MALRD1: variants seen among roughly 807,000 people sequenced by gnomAD.
MALRD1 encodes MAM and LDL-receptor class A domain-containing protein 1.
In MALRD1, 247 loss-of-function variants were observed where a neutral mutation model predicts 242.1. The observed-to-expected ratio is 1.02, with a 90% CI of 0.92 to 1.13. The LOEUF is 1.13. Among genes scored for constraint, MALRD1 ranks in the 50% most tolerant of loss-of-function variants. The pLI is 0.00. For missense variants in MALRD1, 2,989 were observed against 2,533.1 expected, an observed-to-expected ratio of 1.18 and a Z score of -3.86; for synonymous variants, 995 against 866.6, an observed-to-expected ratio of 1.15 and a Z score of -2.60.
At chr10:19,574,454 A>G (rs1407771890) in intron 33 of MALRD1, among the ~76,000 whole-genome samples, 3 of 152,206 alleles carry the variant, frequency 2.0e-5, no homozygotes, top group South Asian at 4.1e-4. Context: ...CTCAGCCTCC[A>G]AAGTTGTTCT....
In MALRD1 at chr10:19,539,889, TGTGTGTGTGCGC is replaced by T. The variant is rs1318703409; in HGVS notation, c.5478+8540_5478+8551del. Among the ~76,000 whole-genome samples, 3 of 82,252 alleles carry T rather than the reference TGTGTGTGTGCGC, an allele frequency of 3.6e-5. No homozygotes were observed. The Admixed American group carries it at 4.5e-4, about 12-fold the overall frequency. The allele number at this position is 82,252 out of a possible 152,430, so 54.0% of individuals were successfully genotyped here. Reference sequence around the variant, plus strand: ...GTGTGTGTGTGTGTGTGTGTGTGTGTGTGTGTGTGCGCGCGCGCGTGCGCGCACACACGCGCA... The same window carrying T: ...GTGTGTGTGTGTGTGTGTGTGTGTGTGCGCGCGTGCGCGCACACACGCGCA... On this transcript the variant is annotated intron_variant, in intron 32 of 39. Transcript: ENST00000454679.
At chr10:19,598,517 T>C (rs1229049002) in intron 34 of MALRD1, 7 of 151,278 alleles carry the variant, frequency 4.6e-5, no homozygotes, top group South Asian at 2.1e-4. Context: ...AATTTGGACA[T>C]CAGGTCAGCT....
chr10:19,402,154 A>C (rs1192595569), intron 28 of MALRD1, among the ~76,000 whole-genome samples: 1 of 152,166 alleles, frequency 6.6e-6, no homozygotes, highest in Non-Finnish European at 1.5e-5. Flanking sequence ...GTCTCTGAGA[A>C]TGCTCTTTCT....
rs542684982 is a variant in MALRD1, at chr10:19,628,208, A to G, written c.6137+12285A>G. Among the ~76,000 whole-genome samples the G allele has an allele frequency of 1.7e-4, 26 of 152,338 alleles. No homozygotes were observed. The South Asian group carries it at 2.5e-3, about 15-fold the overall frequency. ...TTGTGGGACTATAGCTTTTCTAAAT[A>G]TACAACATGGAGAAAAATACAACTT... On this transcript the variant is annotated intron_variant, in intron 36 of 39. Coordinates refer to ENST00000454679, the MANE Select transcript of MALRD1 (RefSeq NM_001142308.3).
chr10:19,279,056 G>A (rs1161865319), intron 19 of MALRD1, among the ~76,000 whole-genome samples: 9 of 152,140 alleles, frequency 5.9e-5, no homozygotes, highest in African/African-American at 2.2e-4. Flanking sequence ...AGGCCCAGAA[G>A]CAGCGGCCTA....
At chr10:19,228,918 G>C in intron 18 of MALRD1, among the ~76,000 whole-genome samples, 1 of 151,834 alleles carries the variant, frequency 6.6e-6, no homozygotes, top group Non-Finnish European at 1.5e-5. Context: ...ATGAAAAATT[G>C]AAAATAAAAT....
At chr10:19,397,531 A>C (rs560585697) in intron 28 of MALRD1, among the ~76,000 whole-genome samples, 1 of 152,160 alleles carries the variant, frequency 6.6e-6, no homozygotes, top group Non-Finnish European at 1.5e-5. Context: ...TATTGTGAAT[A>C]GTGCTACAAT....
chr10:19,298,664 G>A (rs1841816815), intron 21 of MALRD1, among the ~76,000 whole-genome samples: 1 of 151,968 alleles, frequency 6.6e-6, no homozygotes, highest in Non-Finnish European at 1.5e-5. Flanking sequence ...GACTAGAAAA[G>A]AGACACAAGA....
chr10:19,509,822 C>T (rs908369767), intron 31 of MALRD1, among the ~76,000 whole-genome samples: 6 of 152,134 alleles, frequency 3.9e-5, no homozygotes, highest in Admixed American at 1.3e-4. Flanking sequence ...GGGTGGGTTG[C>T]CCCTGCACAC....
chr10:19,371,092 T>TAAAAAAA (rs759092754), intron 26 of MALRD1, among the ~76,000 whole-genome samples: 11 of 123,680 alleles, frequency 8.9e-5, no homozygotes, highest in Non-Finnish European at 1.2e-4. Flanking sequence ...TCTACGAAAT[T>TAAAAAAA]AAAAAAAAAA....
chr10:19,307,976 G>A (rs1347696532), intron 21 of MALRD1, among the ~76,000 whole-genome samples: 2 of 151,406 alleles, frequency 1.3e-5, no homozygotes, highest in Admixed American at 6.6e-5. Flanking sequence ...GAGAAATCAC[G>A]TCATAGAGAA....
At chr10:19,205,384 A>G in intron 17 of MALRD1, 119 bp downstream of exon 17, 2 of 1,203,292 alleles carry the variant, frequency 1.7e-6, no homozygotes, top group Admixed American at 3.1e-5. Flanking sequence ...AAGCTGATGA[A>G]TGTTATGTGT....
chr10:19,529,365 G>T (rs1048283099), intron 31 of MALRD1, among the ~76,000 whole-genome samples: 1 of 152,066 alleles, frequency 6.6e-6, no homozygotes, highest in Admixed American at 6.6e-5. Flanking sequence ...CTTATAAAAT[G>T]GTATGATGAT....
chr10:19,066,800 A>C lies in MALRD1; in HGVS notation c.281A>C (p.Lys94Thr). 8.1e-7 allele frequency: 1 copy of C among 1,233,712 alleles called. No homozygotes were observed. Among genetic ancestry groups the C allele is most frequent in the Non-Finnish European group, 1.0e-6 (1 of 988,026 alleles). The allele number at this position is 1,233,712 out of a possible 1,614,324, so 76.4% of individuals were successfully genotyped here. Reference protein sequence around the residue: ...QDQSLQPSWTKRSGMIGLSPP... With the variant: ...QDQSLQPSWTTRSGMIGLSPP... ...CAGAGTCTGCAACCTAGTTGGACAA[A>C]GAGAAGTGGGATGATTGGTCTATCA... Residue 94 changes from lysine to threonine, a missense_variant, in exon 2 of 40, where the codon AAG (lysine) becomes ACG (threonine). Transcript: ENST00000454679.
At chr10:19,176,460 C>G (rs963687000) in intron 14 of MALRD1, among the ~76,000 whole-genome samples, 5 of 141,988 alleles carry the variant, frequency 3.5e-5, no homozygotes, top group Non-Finnish European at 6.1e-5. Context: ...CTGCAAGCTC[C>G]GCTTCCCGGG....
chr10:19,566,892 T>C (rs1054292683), intron 32 of MALRD1, among the ~76,000 whole-genome samples: 1 of 152,122 alleles, frequency 6.6e-6, no homozygotes, highest in African/African-American at 2.4e-5. Context: ...TTATTTGTAC[T>C]GATAAGCAAA....
In MALRD1 at chr10:19,324,090, C is replaced by T. The variant is rs554012881; in HGVS notation, c.3561C>T (p.Thr1187=). 1.3e-5 allele frequency: 20 copies of T among 1,550,198 alleles called. No individual in the cohort carries two copies. The Admixed American group carries it at 2.9e-4, about 23-fold the overall frequency. The change falls in exon 22 of 40, where the codon ACC becomes ACT. Residue 1187 remains threonine (T), a synonymous_variant. Transcript: ENST00000454679. Reference sequence around the variant, plus strand: ...TCTGGACACATATGAATGGGGCCACCGTTGGTTCTCTCCAGGTACTGCTTA... The same window carrying T: ...TCTGGACACATATGAATGGGGCCACTGTTGGTTCTCTCCAGGTACTGCTTA... ...LVFWTHMNGA[T]VGSLQVLIKK...
At chr10:19,530,375 ATAAATATTAT>A (rs1314374600) in intron 31 of MALRD1, among the ~76,000 whole-genome samples, 4,246 of 98,978 alleles carry the variant, frequency 0.043, 283 homozygotes, top group African/African-American at 0.16. Context: ...AAATATTTAT[ATAAATATTAT>A]ATATTTATAT....
At chr10:19,269,092 A>G (rs1840086223) in intron 19 of MALRD1, among the ~76,000 whole-genome samples, 1 of 152,212 alleles carries the variant, frequency 6.6e-6, no homozygotes, top group Admixed American at 6.5e-5. Context: ...AAAGAGACTT[A>G]AATCTATCAT....
Sources: allele counts gnomAD v4.1 joint callset (sites outside exome capture counted in the v4.1 genomes callset), GRCh38; gene constraint gnomAD v4.1.1; transcripts MANE v1.5; gene names NCBI Gene and HGNC (gene_info 2026-07-23, HGNC 2026-07-21).